The following DIRAS2 variants were observed in gnomAD, a reference collection of about 807,000 sequenced individuals.
DIRAS2 encodes the protein DIRAS family GTPase 2, also known as GTP-binding protein Di-Ras2.
Under a neutral mutation model 13.9 loss-of-function variants are expected in DIRAS2, and 5 were observed. That is an observed-to-expected ratio of 0.36 (90% confidence interval 0.19 to 0.76). The LOEUF is 0.76. Ranked by LOEUF, DIRAS2 falls within the 30% of genes least tolerant of loss-of-function variation. The pLI, the probability that DIRAS2 is intolerant of heterozygous loss-of-function variation, is 0.53. For synonymous variants in DIRAS2, 111 were observed against 105.4 expected (o/e 1.05, Z -0.33); for missense variants, 191 against 263.0 (o/e 0.73, Z 1.89).
chr9:90,622,564 T>C (rs530805127), intron 1 of DIRAS2, among the ~76,000 whole-genome samples: 4 of 152,304 alleles, frequency 2.6e-5, no homozygotes, highest in African/African-American at 7.2e-5. Flanking sequence ...AATAAATTAT[T>C]TCAGATGGTA....
At chr9:90,625,372 G>A (rs1413611885) in intron 1 of DIRAS2, among the ~76,000 whole-genome samples, 3 of 152,168 alleles carry the variant, frequency 2.0e-5, no homozygotes, top group South Asian at 2.1e-4. Flanking sequence ...CATGCTTTTG[G>A]TGTCATTTGA....
intron 1 of DIRAS2, among the ~76,000 whole-genome samples, chr9:90,635,927 C>T (rs1825365673): frequency 1.3e-5 from 2 of 151,890 alleles, no homozygotes; most frequent in Admixed American, 6.6e-5. Flanking sequence ...CAGGGCAAGA[C>T]CCTTCTGCCC....
chr9:90,625,886 A>G (rs1041178570), intron 1 of DIRAS2: 38 of 152,324 alleles, frequency 2.5e-4, no homozygotes, highest in African/African-American at 8.9e-4. Context: ...CAAGAAAATT[A>G]AAAGAGATCC....
chr9:90,625,708 T>C (rs932065294), intron 1 of DIRAS2, among the ~76,000 whole-genome samples: 8 of 152,226 alleles, frequency 5.3e-5, no homozygotes, highest in African/African-American at 1.7e-4. Flanking sequence ...CACCCAATTT[T>C]GTTTACTGTA....
intron 1 of DIRAS2, among the ~76,000 whole-genome samples, chr9:90,628,612 C>A (rs1387195322): frequency 1.3e-5 from 2 of 151,892 alleles, no homozygotes; most frequent in African/African-American, 4.8e-5. Context: ...GTGCCTCACG[C>A]ATGGCTCACT....
At chr9:90,629,528 G>GAA (rs558290190) in intron 1 of DIRAS2, among the ~76,000 whole-genome samples, 100 of 143,676 alleles carry the variant, frequency 7.0e-4, no homozygotes, top group Middle Eastern at 3.6e-3. Context: ...AAGACATATA[G>GAA]AAAAAAAAAA....
chr9:90,629,286 C>G (rs1825302289), intron 1 of DIRAS2, among the ~76,000 whole-genome samples: 1 of 152,198 alleles, frequency 6.6e-6, no homozygotes, highest in Non-Finnish European at 1.5e-5. Flanking sequence ...TATACTCTTT[C>G]CAGCACAGTT....
At chr9:90,632,326 C>T (rs1427174330) in intron 1 of DIRAS2, among the ~76,000 whole-genome samples, 1 of 152,216 alleles carries the variant, frequency 6.6e-6, no homozygotes, top group African/African-American at 2.4e-5. Context: ...CTCCTGGACT[C>T]ACCTGGCATG....
intron 1 of DIRAS2, among the ~76,000 whole-genome samples, chr9:90,625,270 G>A (rs539881047): frequency 1.3e-4 from 20 of 152,300 alleles, no homozygotes; most frequent in Admixed American, 3.9e-4. Flanking sequence ...TCTTGGTTAG[G>A]TGAATTTCTA....
intron 1 of DIRAS2, among the ~76,000 whole-genome samples, chr9:90,614,305 AAT>A (rs1491155146): frequency 4.4e-5 from 5 of 112,442 alleles, no homozygotes; most frequent in Admixed American, 8.9e-5. Context: ...TGGTCATCAT[AAT>A]GTGTGTGTGT....
intron 1 of DIRAS2, among the ~76,000 whole-genome samples, chr9:90,642,502 C>T (rs1825427399): frequency 1.3e-5 from 2 of 152,102 alleles, no homozygotes; most frequent in African/African-American, 4.8e-5. Flanking sequence ...GGAAGGAATC[C>T]CTAATAATAC....
chr9:90,616,503 G>T (rs1359261126), intron 1 of DIRAS2, among the ~76,000 whole-genome samples: 2 of 152,146 alleles, frequency 1.3e-5, no homozygotes, highest in African/African-American at 2.4e-5. Context: ...TCACTAAGGA[G>T]GTGGCATGGA....
intron 1 of DIRAS2, among the ~76,000 whole-genome samples, chr9:90,615,087 C>T: frequency 6.6e-6 from 1 of 152,172 alleles, no homozygotes; most frequent in South Asian, 2.1e-4. Flanking sequence ...GACTTTTCAC[C>T]TTTCTAGTTT....
chr9:90,615,241 C>T (rs530065565), intron 1 of DIRAS2, among the ~76,000 whole-genome samples: 1 of 152,332 alleles, frequency 6.6e-6, no homozygotes, highest in South Asian at 2.1e-4. Context: ...AACATCAGGT[C>T]AAAGCCCTGG....
intron 1 of DIRAS2, among the ~76,000 whole-genome samples, chr9:90,627,141 A>G (rs999364537): frequency 1.3e-5 from 2 of 152,094 alleles, no homozygotes; most frequent in African/African-American, 4.8e-5. Context: ...TGCTTTCACC[A>G]TGTGAAGTGC....
Position 90,613,595 on chromosome 9 carries a change from T to G in DIRAS2, c.233A>C (p.Lys78Thr). The G allele has an allele frequency of 6.2e-7, 1 of 1,614,084 alleles. No homozygotes were observed. The highest frequency in any genetic ancestry group is 8.5e-7 in the Non-Finnish European group (1 of 1,180,030). ...GTACACCAGGATGAAGGCGTGCCCT[T>G]TGGAGATGGACAGCCGCTGCATGGC... ...FPAMQRLSIS[K>T]GHAFILVYSI... The change falls in exon 2 of 2, where the codon AAA becomes ACA. Residue 78 changes from lysine (K) to threonine (T), a missense_variant. Physicochemically the swap from Lys to Thr is moderately conservative, Grantham distance 78. Transcript: ENST00000375765. The surrounding 1 kb of genome is among the most constrained non-coding windows in gnomAD (Gnocchi z 5.6).
chr9:90,630,741 A>G (rs1019641258), intron 1 of DIRAS2, among the ~76,000 whole-genome samples: 1 of 152,254 alleles, frequency 6.6e-6, no homozygotes, highest in African/African-American at 2.4e-5. Context: ...GTAGGTCTTC[A>G]GTAGCATGCT....
At chr9:90,631,023 C>A (rs1825320078) in intron 1 of DIRAS2, among the ~76,000 whole-genome samples, 1 of 152,152 alleles carries the variant, frequency 6.6e-6, no homozygotes, top group South Asian at 2.1e-4. Flanking sequence ...GCAGGATTTC[C>A]TTGAGTGTGG....
At position 90,613,038 on chromosome 9, in the gene DIRAS2, C is replaced by T. The variant is rs1825130492; in HGVS notation, c.*190G>A. On this transcript the variant is annotated 3_prime_UTR_variant, in exon 2 of 2. Transcript: ENST00000375765. This position sits in a 1 kb window ranked among gnomAD's most constrained non-coding sequence, Gnocchi z 5.6. ...TTTCACTTGAACCGCCTGGCAGATT[C>T]TGTGACTCCAGAGTGGGTGGCTTAC... 3 of 745,094 alleles carry T rather than the reference C, an allele frequency of 4.0e-6. No homozygotes were observed. The South Asian group carries it at 5.9e-5, about 15-fold the overall frequency. The allele number at this position is 745,094 out of a possible 1,614,324, so 46.2% of individuals were successfully genotyped here.
Sources: gnomAD v4.1 joint callset for allele counts (sites outside exome capture counted in the v4.1 genomes callset) on GRCh38, gnomAD v4.1.1 for gene constraint, Gnocchi (gnomAD v3.1) non-coding constraint, MANE v1.5 for transcripts, NCBI Gene and HGNC (gene_info 2026-07-23, HGNC 2026-07-21) for gene names.